Variants in FARS2 observed in about 807,000 individuals in gnomAD.
FARS2 encodes the protein phenylalanine--tRNA ligase, mitochondrial.
FARS2 carries 40 observed loss-of-function variants against 46.4 expected under a neutral mutation model. The observed-to-expected ratio is 0.86, with a 90% confidence interval of 0.67 to 1.12. FARS2 has a LOEUF of 1.12. FARS2 is among the 50% of genes most tolerant of loss of function. The pLI, the probability that FARS2 is intolerant of heterozygous loss-of-function variation, is 0.00. For synonymous variants in FARS2, 234 were observed against 214.9 expected (o/e 1.09, Z -0.78); for missense variants, 513 against 567.9 (o/e 0.90, Z 0.98).
At position 5,270,441 on chromosome 6, in the gene FARS2, G is replaced by A. The variant is rs112212606; in HGVS notation, c.-22+8781G>A. On this transcript the variant is annotated intron_variant, in intron 1 of 6. Transcript: ENST00000274680. ...CAAGTAAACTATCCCAGATTAATAC[G>A]TTTCAGGACATAAGTGTGGTTCGCT... is the stretch of plus-strand genomic sequence containing the variant. Among the ~76,000 whole-genome samples, 547 of 152,286 alleles carry A rather than the reference G, an allele frequency of 3.6e-3. 4 individuals are homozygous for A. The highest frequency in any genetic ancestry group is 0.014 in the Middle Eastern group (4 of 294).
chr6:5,539,968 C>T (rs1431502583), intron 4 of FARS2, among the ~76,000 whole-genome samples: 4 of 152,160 alleles, frequency 2.6e-5, no homozygotes, highest in Non-Finnish European at 5.9e-5. Context: ...AAAAGCAAGT[C>T]CTCCTTTACT....
intron 4 of FARS2, among the ~76,000 whole-genome samples, chr6:5,520,835 A>G (rs1561681521): frequency 6.6e-6 from 1 of 152,234 alleles, no homozygotes; most frequent in East Asian, 1.9e-4. Flanking sequence ...ATTAAAATTG[A>G]AAATCAGAGA....
In FARS2 at chr6:5,408,670, AT is replaced by A. The variant is rs1302802100; in HGVS notation, c.772+3970del. Among the ~76,000 whole-genome samples the A allele has an allele frequency of 4.6e-5, 7 of 152,342 alleles. No individual in the cohort carries two copies. In the East Asian group the frequency reaches 9.7e-4, roughly 21 times the overall value. On this transcript the variant is annotated intron_variant, in intron 3 of 6. Transcript: ENST00000274680. ...GTGAAAGATGCCTTGTAAGTAAAAA[AT>A]ATCAGATAAATATGTAAATATGAAC...
At chr6:5,691,148 C>G (rs573963105) in intron 6 of FARS2, among the ~76,000 whole-genome samples, 15 of 152,188 alleles carry the variant, frequency 9.9e-5, no homozygotes, top group Non-Finnish European at 1.6e-4. Flanking sequence ...CCTCCTTTAG[C>G]TCGGAGTAGT....
At chr6:5,543,710 C>T (rs2150496097) in intron 4 of FARS2, among the ~76,000 whole-genome samples, 1 of 152,210 alleles carries the variant, frequency 6.6e-6, no homozygotes. Context: ...GAAATGAGAA[C>T]AAAATGTTTC....
intron 5 of FARS2, among the ~76,000 whole-genome samples, chr6:5,555,454 C>T (rs1771604491): frequency 1.3e-5 from 2 of 152,132 alleles, no homozygotes; most frequent in Admixed American, 6.5e-5. Context: ...AGTTAATTCT[C>T]TAAGTCCTTC....
At chr6:5,724,070 G>C (rs1760099717) in intron 6 of FARS2, among the ~76,000 whole-genome samples, 1 of 152,242 alleles carries the variant, frequency 6.6e-6, no homozygotes, top group Admixed American at 6.5e-5. Context: ...GGCCGCTCCA[G>C]GCAAGGGTTT....
At chr6:5,681,382 TAAA>T in intron 6 of FARS2, among the ~76,000 whole-genome samples, 2 of 152,350 alleles carry the variant, frequency 1.3e-5, no homozygotes, top group Admixed American at 1.3e-4. Context: ...TCACATTTTA[TAAA>T]TATTCATGTT....
At position 5,389,618 on chromosome 6, in the gene FARS2, T is replaced by C. The variant is rs542046976; in HGVS notation, c.613-14924T>C. Among the ~76,000 whole-genome samples the C allele has an allele frequency of 2.6e-5, 4 of 152,334 alleles. No individual in the cohort carries two copies. In the East Asian group the frequency reaches 7.7e-4, roughly 29 times the overall value. ...TCTATTACCTCAGGCAAAGATTGAC[T>C]TATGAAGCTAGAATTAGTGAAATTG... On this transcript the variant is annotated intron_variant, in intron 2 of 6. Coordinates refer to ENST00000274680, the MANE Select transcript of FARS2 (RefSeq NM_006567.5).
chr6:5,268,686 G>A (rs1171065914), intron 1 of FARS2, among the ~76,000 whole-genome samples: 2 of 152,254 alleles, frequency 1.3e-5, no homozygotes, highest in African/African-American at 4.8e-5. Context: ...TGGCAATGCG[G>A]GCTCTTTTTT....
At chr6:5,692,140 T>C (rs1757777339) in intron 6 of FARS2, among the ~76,000 whole-genome samples, 1 of 152,202 alleles carries the variant, frequency 6.6e-6, no homozygotes, top group Non-Finnish European at 1.5e-5. Context: ...GCTTCCCGGG[T>C]GAGGCGATAC....
intron 6 of FARS2, among the ~76,000 whole-genome samples, chr6:5,685,580 G>C (rs1280820384): frequency 2.0e-5 from 3 of 152,228 alleles, no homozygotes; most frequent in Non-Finnish European, 2.9e-5. Context: ...GGCAGAACTT[G>C]GATTGGGGAG....
At chr6:5,501,106 C>T (rs973804782) in intron 4 of FARS2, among the ~76,000 whole-genome samples, 1 of 151,814 alleles carries the variant, frequency 6.6e-6, no homozygotes, top group African/African-American at 2.4e-5. Context: ...AGTTGCTAGA[C>T]AGACCAAGCC....
chr6:5,756,357 G>A (rs1034152727), intron 6 of FARS2, among the ~76,000 whole-genome samples: 3 of 152,148 alleles, frequency 2.0e-5, no homozygotes, highest in Non-Finnish European at 2.9e-5. Flanking sequence ...AGAACAACCC[G>A]AGACTGGGTA....
chr6:5,675,164 CTT>C (rs1486281245), intron 6 of FARS2, among the ~76,000 whole-genome samples: 2 of 151,834 alleles, frequency 1.3e-5, no homozygotes, highest in African/African-American at 4.8e-5. Context: ...ATATTTACCT[CTT>C]GAGTCAATAA....
intron 1 of FARS2, among the ~76,000 whole-genome samples, chr6:5,280,879 G>T (rs1300095453): frequency 6.6e-6 from 1 of 152,030 alleles, no homozygotes; most frequent in Non-Finnish European, 1.5e-5. Flanking sequence ...AAGTATGTAG[G>T]GGTAGAAGAT....
chr6:5,405,086 C>T (rs561422000), intron 3 of FARS2, among the ~76,000 whole-genome samples: 3 of 152,062 alleles, frequency 2.0e-5, no homozygotes, highest in Admixed American at 6.5e-5. Context: ...CATGAGCCAC[C>T]GCGCCAGGCC....
intron 6 of FARS2, among the ~76,000 whole-genome samples, chr6:5,693,142 A>G (rs574200156): frequency 7.2e-5 from 11 of 152,350 alleles, no homozygotes; most frequent in African/African-American, 2.6e-4. Context: ...CACATAGCAA[A>G]TCCAGCCTGA....
intron 4 of FARS2, among the ~76,000 whole-genome samples, chr6:5,529,612 A>G (rs13209186): frequency 0.22 from 33,076 of 152,142 alleles, 4,915 homozygotes; most frequent in Non-Finnish European, 0.32. Context: ...AGCCTAAGTC[A>G]CAGTAATTAT....
Sources: gnomAD v4.1 joint callset for allele counts (sites outside exome capture counted in the v4.1 genomes callset) on GRCh38, gnomAD v4.1.1 for gene constraint, MANE v1.5 for transcripts, NCBI Gene and HGNC (gene_info 2026-07-23, HGNC 2026-07-21) for gene names.